NDRG2: variants seen among roughly 807,000 people sequenced by gnomAD.
NDRG2 encodes NDRG family member 2, also known as protein NDRG2.
In NDRG2, 34 loss-of-function variants were observed where a neutral mutation model predicts 58.2. The observed-to-expected ratio is 0.58, with a 90% confidence interval of 0.44 to 0.78. NDRG2 has a LOEUF of 0.78. Among genes scored for constraint, NDRG2 ranks in the 30% least tolerant of loss-of-function variants. The pLI is 0.00. For synonymous variants in NDRG2, 187 were observed against 175.9 expected (o/e 1.06, Z -0.50); for missense variants, 434 against 471.2 (o/e 0.92, Z 0.73).
In NDRG2 at chr14:21,024,077, A is replaced by G. The variant is rs1882373246; in HGVS notation, c.-54T>C. On this transcript the variant is annotated 5_prime_UTR_variant, in exon 1 of 16. It removes the in-frame stop codon of an upstream open reading frame in the 5' UTR. Transcript: ENST00000556147. ...AGTGGGATTAGGGGTCAGGGTTCTCACTCCTTCTGACTCTGGGGTCTGAGA... is the reference window on the plus strand; with the variant it reads ...AGTGGGATTAGGGGTCAGGGTTCTCGCTCCTTCTGACTCTGGGGTCTGAGA... 2 of 985,034 alleles carry G rather than the reference A, an allele frequency of 2.0e-6. No individual in the cohort carries two copies. Among genetic ancestry groups the G allele is most frequent in the Non-Finnish European group, 2.4e-6 (2 of 829,848 alleles). The allele number at this position is 985,034 out of a possible 1,614,324, so 61.0% of individuals were successfully genotyped here.
chr14:21,059,451 T>C (rs1885836821), intron 1 of NDRG2, among the ~76,000 whole-genome samples: 1 of 151,750 alleles, frequency 6.6e-6, no homozygotes, highest in Admixed American at 6.6e-5. Flanking sequence ...AAATACTCTG[T>C]CAAATTGCCA....
At chr14:21,042,934 C>T (rs1884971334) in intron 1 of NDRG2, 1 of 1,464,400 alleles carries the variant, frequency 6.8e-7, no homozygotes, top group Non-Finnish European at 9.2e-7. Context: ...AATTTCTCAA[C>T]TGAACACCTC....
chr14:21,046,276 C>G (rs1327799086), intron 1 of NDRG2, among the ~76,000 whole-genome samples: 1 of 152,168 alleles, frequency 6.6e-6, no homozygotes, highest in Non-Finnish European at 1.5e-5. Context: ...GTAATCCCAG[C>G]ACTTTGGGAG....
intron 1 of NDRG2, among the ~76,000 whole-genome samples, chr14:21,069,551 C>G (rs1392114848): frequency 6.6e-6 from 1 of 152,236 alleles, no homozygotes; most frequent in East Asian, 1.9e-4. Context: ...ATAAGCATCC[C>G]GATCCGGGAA....
Position 21,019,098 on chromosome 14 carries a change from T to C in NDRG2, c.761+18A>G, listed in dbSNP as rs779322583. The C allele has an allele frequency of 1.3e-6, 2 of 1,594,474 alleles. No individual in the cohort carries two copies. The highest frequency in any genetic ancestry group is 1.1e-5 in the South Asian group (1 of 88,070). The stretch of plus-strand genomic sequence containing the variant: ...AGATCCAGGGAGACAGGCAATGCAT[T>C]ATCTCTTAAAGTCTTACCTGAGGGT... On this transcript the variant is annotated intron_variant, in intron 11 of 15. Transcript: ENST00000556147.
chr14:21,039,198 G>A (rs11627366), intron 1 of NDRG2, among the ~76,000 whole-genome samples: 18,153 of 152,156 alleles, frequency 0.12, 1,243 homozygotes, highest in South Asian at 0.16. Context: ...ACAGGCGAGA[G>A]GAAGCAGCAG....
chr14:21,035,426 T>C (rs1884555735), intron 1 of NDRG2, among the ~76,000 whole-genome samples: 1 of 152,234 alleles, frequency 6.6e-6, no homozygotes, highest in South Asian at 2.1e-4. Context: ...CCTATCTTTT[T>C]CATCAACATC....
At chr14:21,022,766 A>C in intron 3 of NDRG2, 98 bp downstream of exon 3, 1 of 1,234,230 alleles carries the variant, frequency 8.1e-7, no homozygotes, top group Non-Finnish European at 1.1e-6. Flanking sequence ...AGAAGGAAAG[A>C]AAGCAAAGAG....
intron 1 of NDRG2, among the ~76,000 whole-genome samples, chr14:21,056,513 T>C (rs1459340432): frequency 1.3e-5 from 2 of 152,206 alleles, no homozygotes; most frequent in Non-Finnish European, 1.5e-5. Context: ...TTGTCGTTAT[T>C]GAAAAGGAGG....
chr14:21,060,071 T>A (rs543368430), intron 1 of NDRG2, among the ~76,000 whole-genome samples: 1 of 152,220 alleles, frequency 6.6e-6, no homozygotes, highest in Admixed American at 6.5e-5. Context: ...CCCCTCTTCT[T>A]CCCCATGCTA....
At chr14:21,025,460 G>A, upstream of NDRG2, 1 of 985,530 alleles carries the variant, frequency 1.0e-6, no homozygotes, top group Non-Finnish European at 1.2e-6. The surrounding 1 kb of genome is among the most constrained non-coding windows in gnomAD (Gnocchi z 5.1). Flanking sequence ...ACCGGTAGTG[G>A]GGAGACGAAC....
At chr14:21,027,342 CTG>C (rs1229689963), upstream of NDRG2, among the ~76,000 whole-genome samples, 3 of 152,202 alleles carry the variant, frequency 2.0e-5, no homozygotes, top group Admixed American at 2.0e-4. Context: ...TTTTAAGTAT[CTG>C]TTATGTGCAA....
intron 1 of NDRG2, among the ~76,000 whole-genome samples, chr14:21,055,331 T>C (rs1322407120): frequency 6.6e-6 from 1 of 152,222 alleles, no homozygotes; most frequent in African/African-American, 2.4e-5. Context: ...TTCATGCTAC[T>C]TTAGTAGCAG....
chr14:21,020,895 T>C, intron 6 of NDRG2, 51 bp from the exon 7 acceptor site: 3 of 1,586,952 alleles, frequency 1.9e-6, no homozygotes, highest in Non-Finnish European at 2.6e-6. Context: ...GTCCAAAACC[T>C]GCCACAGCCC....
In NDRG2 at chr14:21,022,384, G is replaced by A. The variant is rs1881024224; in HGVS notation, c.223+8C>T. 1.9e-6 allele frequency: 3 copies of A among 1,608,948 alleles called. No individual in the cohort carries two copies. Among genetic ancestry groups the A allele is most frequent in the East Asian group, 2.2e-5 (1 of 44,862 alleles). Reference sequence around the variant, plus strand: ...AGACAGGAGTGGGAGATGAATGAAGGTCCTTACAGTTGAGTCCCACATCGT... The same window carrying A: ...AGACAGGAGTGGGAGATGAATGAAGATCCTTACAGTTGAGTCCCACATCGT... On this transcript the variant is annotated splice_region_variant and intron_variant, in intron 4 of 15. Transcript: ENST00000556147.
intron 1 of NDRG2, among the ~76,000 whole-genome samples, chr14:21,050,017 T>TG: frequency 6.6e-6 from 1 of 152,306 alleles, no homozygotes; most frequent in African/African-American, 2.4e-5. Context: ...CCTCATGTTC[T>TG]GCCTGCCTTG....
chr14:21,058,517 G>A lies in NDRG2; in HGVS notation c.24+12311C>T, dbSNP rs145614018. 1,328 of 610,278 alleles carry A rather than the reference G, an allele frequency of 2.2e-3. 21 individuals carry two copies. In the African/African-American group the frequency reaches 0.022, roughly 10 times the overall value. 37.8% of individuals were successfully genotyped at this position (610,278 alleles called of 1,614,324 possible). A position where few individuals can be genotyped will look rare whatever the true frequency, so the allele number is the denominator to read the frequency against. ...TGGTTTCTTAGGGAGTTTTACAGAC[G>A]CTCCAAACGATGAAAGAAGAGGGCA... On this transcript the variant is annotated intron_variant, in intron 1 of 14. Transcript: ENST00000403829.
At chr14:21,032,246 G>T (rs1884259567) in intron 1 of NDRG2, 3 of 733,990 alleles carry the variant, frequency 4.1e-6, no homozygotes, top group Admixed American at 2.0e-5. Context: ...AGGAGGGTGG[G>T]TTCTCCACCA....
chr14:21,018,123 G>A (rs374448900), intron 14 of NDRG2, 81 bp downstream of exon 14: 38 of 1,599,026 alleles, frequency 2.4e-5, no homozygotes, highest in East Asian at 1.6e-4. Context: ...CTGTGGGGCC[G>A]GGTGTGTGGC....
Sources: gnomAD v4.1 joint callset for allele counts (sites outside exome capture counted in the v4.1 genomes callset) on GRCh38, gnomAD v4.1.1 for gene constraint, Gnocchi (gnomAD v3.1) non-coding constraint, MANE v1.5 for transcripts, NCBI Gene and HGNC (gene_info 2026-07-23, HGNC 2026-07-21) for gene names.